The following ENPP1 variants were observed in gnomAD, a reference collection of about 807,000 sequenced individuals.
ENPP1 encodes the protein ectonucleotide pyrophosphatase/phosphodiesterase 1, also known as ectonucleotide pyrophosphatase/phosphodiesterase family member 1.
Under a neutral mutation model 122.8 loss-of-function variants are expected in ENPP1, and 73 were observed. The ratio of observed to expected loss-of-function variants is 0.59; its 90% CI spans 0.49 to 0.72. The LOEUF (loss-of-function observed/expected upper bound fraction) is 0.72, where lower values mean the gene tolerates loss of function less well. Ranked by LOEUF, ENPP1 falls within the 30% of genes least tolerant of loss-of-function variation. ENPP1 has a pLI of 0.00. For synonymous variants in ENPP1, 367 were observed against 391.6 expected (o/e 0.94, Z 0.74); for missense variants, 978 against 1,128.1 (o/e 0.87, Z 1.91).
At chr6:131,883,897 GTTTAAC>G in intron 22 of ENPP1, 123 bp downstream of exon 22, 1 of 614,622 alleles carries the variant, frequency 1.6e-6, no homozygotes. Flanking sequence ...ATTCTTAAAG[GTTTAAC>G]TTTGAGAATA....
chr6:131,813,804 C>G (rs1358931599), intron 1 of ENPP1, among the ~76,000 whole-genome samples: 1 of 152,120 alleles, frequency 6.6e-6, no homozygotes, highest in African/African-American at 2.4e-5. Context: ...TGAGGTTTCT[C>G]TGGGGTTTCC....
At chr6:131,846,447 T>G (rs916939986) in intron 1 of ENPP1, among the ~76,000 whole-genome samples, 1 of 152,124 alleles carries the variant, frequency 6.6e-6, no homozygotes, top group African/African-American at 2.4e-5. Context: ...GTCCTCTCTT[T>G]CCTTCCTCCA....
At chr6:131,827,400 G>T in intron 1 of ENPP1, 1 of 746,872 alleles carries the variant, frequency 1.3e-6, no homozygotes, top group South Asian at 1.5e-5. Context: ...TTGCTTCATG[G>T]ATCTCCTCAG....
In ENPP1 at chr6:131,846,831, T is replaced by C. The variant is rs112809631; in HGVS notation, c.241-945T>C. 3.3e-3 allele frequency among the ~76,000 whole-genome samples: 499 copies of C among 152,334 alleles called. 1 individual carries two copies. The highest frequency in any genetic ancestry group is 0.013 in the South Asian group (63 of 4,830). ...AAAAAATTGAGGATTGTTTTGTGGG[T>C]TATTCCGCTCCTTTGTCTTCTAACT... is the stretch of plus-strand genomic sequence containing the variant. On this transcript the variant is annotated intron_variant, in intron 1 of 24. Transcript: ENST00000647893.
intron 6 of ENPP1, among the ~76,000 whole-genome samples, chr6:131,855,820 A>G (rs1276864321): frequency 1.3e-5 from 2 of 151,826 alleles, no homozygotes; most frequent in African/African-American, 2.4e-5. Context: ...AATTCCCCAT[A>G]AAATAGTATA....
At chr6:131,824,359 G>T (rs566018892) in intron 1 of ENPP1, among the ~76,000 whole-genome samples, 3 of 152,204 alleles carry the variant, frequency 2.0e-5, no homozygotes, top group Admixed American at 2.0e-4. Context: ...CTTGGAGGAG[G>T]CCAGGATGGC....
chr6:131,878,683 T>TC, intron 19 of ENPP1, 90 bp downstream of exon 19: 1 of 954,856 alleles, frequency 1.0e-6, no homozygotes, highest in Non-Finnish European at 1.7e-6. Flanking sequence ...GGGGTATTAT[T>TC]TGAGAATAAC....
chr6:131,833,694 T>C (rs1781639729), intron 1 of ENPP1, among the ~76,000 whole-genome samples: 1 of 152,228 alleles, frequency 6.6e-6, no homozygotes, highest in African/African-American at 2.4e-5. Flanking sequence ...TTTTGTTTAC[T>C]AAGCACTTCA....
At chr6:131,873,934 C>T (rs1027494880) in intron 15 of ENPP1, among the ~76,000 whole-genome samples, 2 of 152,024 alleles carry the variant, frequency 1.3e-5, no homozygotes, top group African/African-American at 4.8e-5. Context: ...TGAATTTTTA[C>T]AAATAACCGA....
chr6:131,843,437 G>A (rs936831000), intron 1 of ENPP1, among the ~76,000 whole-genome samples: 5 of 152,102 alleles, frequency 3.3e-5, no homozygotes, highest in Non-Finnish European at 5.9e-5. Flanking sequence ...AGGATAAAGA[G>A]CTATATATAA....
chr6:131,820,100 C>A (rs961178093), intron 1 of ENPP1: 2 of 460,984 alleles, frequency 4.3e-6, no homozygotes, highest in Admixed American at 2.8e-5. Flanking sequence ...ATCTTGCCCC[C>A]CTTCCCTGCT....
intron 11 of ENPP1, among the ~76,000 whole-genome samples, chr6:131,866,558 A>G (rs1782094560): frequency 1.3e-5 from 2 of 152,196 alleles, no homozygotes; most frequent in South Asian, 4.1e-4. Context: ...CTTAAAAAGT[A>G]GGTACTGCTT....
intron 1 of ENPP1, among the ~76,000 whole-genome samples, chr6:131,840,595 T>G (rs1339534582): frequency 6.6e-6 from 1 of 152,206 alleles, no homozygotes; most frequent in East Asian, 1.9e-4. Flanking sequence ...CTGCCAACTT[T>G]GTGAGGTGGG....
intron 24 of ENPP1, among the ~76,000 whole-genome samples, chr6:131,887,233 A>G (rs192173789): frequency 1.3e-5 from 2 of 152,108 alleles, no homozygotes; most frequent in Non-Finnish European, 2.9e-5. Flanking sequence ...CAACATTTCA[A>G]ATTTTCTGTG....
intron 6 of ENPP1, among the ~76,000 whole-genome samples, chr6:131,857,141 C>T: frequency 6.6e-6 from 1 of 151,618 alleles, no homozygotes; most frequent in East Asian, 1.9e-4. Context: ...ATTAAAAAGT[C>T]AGGAAACAAC....
At chr6:131,868,866 A>T (rs1296749382) in intron 12 of ENPP1, among the ~76,000 whole-genome samples, 1 of 152,232 alleles carries the variant, frequency 6.6e-6, no homozygotes, top group Non-Finnish European at 1.5e-5. Flanking sequence ...CTATAGGAGC[A>T]GCGTGCCTAT....
At chr6:131,890,320 T>C in intron 24 of ENPP1, 21 bp from the exon 25 acceptor site, 1 of 1,608,558 alleles carries the variant, frequency 6.2e-7, no homozygotes, top group Non-Finnish European at 8.5e-7. Flanking sequence ...AACTTTTCTT[T>C]TATATTTCCT....
intron 1 of ENPP1, among the ~76,000 whole-genome samples, chr6:131,831,543 T>C (rs1479786253): frequency 6.6e-6 from 1 of 152,238 alleles, no homozygotes; most frequent in Non-Finnish European, 1.5e-5. Flanking sequence ...GCGAAGCGTC[T>C]CAGACTTTCC....
intron 18 of ENPP1, chr6:131,877,813 T>C (rs1782249694): frequency 9.7e-6 from 1 of 102,662 alleles, no homozygotes; most frequent in Admixed American, 1.5e-4. Flanking sequence ...CATTCCAGCC[T>C]GGGCAACAGG....
Sources: gnomAD v4.1 joint callset for allele counts (sites outside exome capture counted in the v4.1 genomes callset) on GRCh38, gnomAD v4.1.1 for gene constraint, MANE v1.5 for transcripts, NCBI Gene and HGNC (gene_info 2026-07-23, HGNC 2026-07-21) for gene names.